MTUS2: variants seen among roughly 807,000 people sequenced by gnomAD.
MTUS2 encodes microtubule associated scaffold protein 2.
MTUS2 carries 40 observed loss-of-function variants against 114.1 expected under a neutral mutation model. The observed-to-expected ratio is 0.35, with a 90% CI of 0.27 to 0.46. The LOEUF (loss-of-function observed/expected upper bound fraction) is 0.46, where lower values mean the gene tolerates loss of function less well. Ranked by LOEUF, MTUS2 falls within the 20% of genes least tolerant of loss-of-function variation. The pLI is 1.00. For missense variants in MTUS2, 1,679 were observed against 1,705.4 expected (o/e 0.98, Z 0.27); for synonymous variants, 688 against 672.0 (o/e 1.02, Z -0.37).
intron 7 of MTUS2, among the ~76,000 whole-genome samples, chr13:29,346,191 A>G (rs2138148026): frequency 6.6e-6 from 1 of 152,172 alleles, no homozygotes; most frequent in Middle Eastern, 3.4e-3. Context: ...TAGGGAGGAT[A>G]CAAGCTTGCC....
At chr13:28,847,317 G>C (rs1343369718) in intron 2 of MTUS2, among the ~76,000 whole-genome samples, 1 of 152,084 alleles carries the variant, frequency 6.6e-6, no homozygotes, top group Non-Finnish European at 1.5e-5. Context: ...AGGTGAGGAT[G>C]AGGGTGGAGT....
At chr13:28,926,632 C>T (rs1288300351) in intron 2 of MTUS2, among the ~76,000 whole-genome samples, 2 of 152,148 alleles carry the variant, frequency 1.3e-5, no homozygotes, top group African/African-American at 2.4e-5. Flanking sequence ...ATTTCTTTTT[C>T]AAACTTATTT....
At chr13:29,307,574 C>A in intron 6 of MTUS2, 1 of 1,236,418 alleles carries the variant, frequency 8.1e-7, no homozygotes, top group Non-Finnish European at 1.2e-6. Flanking sequence ...AAGCAGGTGT[C>A]AGAGGGCCCC....
At chr13:29,427,379 A>C (rs1029332253) in intron 8 of MTUS2, among the ~76,000 whole-genome samples, 1 of 152,208 alleles carries the variant, frequency 6.6e-6, no homozygotes, top group Non-Finnish European at 1.5e-5. Flanking sequence ...AAAATCTAAA[A>C]TATTCCACAT....
intron 8 of MTUS2, among the ~76,000 whole-genome samples, chr13:29,393,675 G>A (rs551589301): frequency 1.9e-3 from 289 of 152,290 alleles, no homozygotes; most frequent in African/African-American, 6.7e-3. Context: ...AGTTTATTTT[G>A]CCAAAGTTAA....
chr13:29,266,316 A>T (rs536047532), intron 5 of MTUS2, among the ~76,000 whole-genome samples: 134 of 152,326 alleles, frequency 8.8e-4, no homozygotes, highest in Non-Finnish European at 3.5e-4. Context: ...CCAAAGTCAG[A>T]CACAAGTAAG....
chr13:28,910,315 C>T (rs532560764), intron 2 of MTUS2, among the ~76,000 whole-genome samples: 25 of 152,284 alleles, frequency 1.6e-4, no homozygotes, highest in Non-Finnish European at 3.2e-4. Context: ...TTTCACTTAA[C>T]ATGATGATCT....
chr13:29,294,024 A>T (rs1218033653), intron 6 of MTUS2, among the ~76,000 whole-genome samples: 4 of 152,124 alleles, frequency 2.6e-5, no homozygotes, highest in Admixed American at 6.5e-5. Flanking sequence ...ATATTGTCAG[A>T]ATTTTTCCAG....
rs1272781807 is a variant in MTUS2 at position 28,850,783 on chromosome 13, ATCT to A, written c.-243+10934_-243+10936del. On this transcript the variant is annotated intron_variant, in intron 2 of 15. Coordinates refer to ENST00000612955, the MANE Select transcript of MTUS2 (RefSeq NM_001033602.4). ...CTCAGACAGATATATTAAAATTAAAATCTCATGGTGGGTATAAAATTTCATTAT... is the reference window on the plus strand; with the variant it reads ...CTCAGACAGATATATTAAAATTAAAACATGGTGGGTATAAAATTTCATTAT... 2.0e-5 allele frequency among the ~76,000 whole-genome samples: 3 copies of A among 152,206 alleles called. No individual in the cohort carries two copies. The East Asian group carries it at 5.8e-4, about 29-fold the overall frequency.
At chr13:29,048,693 C>T (rs943582766) in intron 4 of MTUS2, among the ~76,000 whole-genome samples, 3 of 152,138 alleles carry the variant, frequency 2.0e-5, no homozygotes, top group African/African-American at 7.2e-5. Context: ...TGATCTCAAA[C>T]CCCTGGGCTC....
intron 5 of MTUS2, among the ~76,000 whole-genome samples, chr13:29,121,923 G>A (rs765537716): frequency 6.6e-5 from 10 of 152,012 alleles, no homozygotes; most frequent in African/African-American, 1.9e-4. Flanking sequence ...GCCTCCCAAC[G>A]TGCTGGGAGT....
intron 7 of MTUS2, among the ~76,000 whole-genome samples, chr13:29,350,960 CATAT>C (rs56192034): frequency 0.033 from 4,261 of 128,470 alleles, 211 homozygotes; most frequent in Non-Finnish European, 0.05. Context: ...ATATATATTT[CATAT>C]ATATATATAT....
intron 5 of MTUS2, among the ~76,000 whole-genome samples, chr13:29,206,989 G>C (rs1396805064): frequency 6.6e-6 from 1 of 152,074 alleles, no homozygotes; most frequent in East Asian, 1.9e-4. Flanking sequence ...TTTGTAGATT[G>C]CTTTTGGCAG....
At chr13:29,286,684 A>G (rs566077053) in intron 6 of MTUS2, among the ~76,000 whole-genome samples, 1 of 146,796 alleles carries the variant, frequency 6.8e-6, no homozygotes, top group African/African-American at 2.7e-5. Context: ...CTATCTATCT[A>G]TCTATCTATC....
At chr13:28,917,165 A>G (rs891937951) in intron 2 of MTUS2, among the ~76,000 whole-genome samples, 3 of 151,926 alleles carry the variant, frequency 2.0e-5, no homozygotes, top group African/African-American at 7.2e-5. Context: ...TTGGTTTGCT[A>G]GTATTTTGTT....
At chr13:29,010,670 C>T (rs928317418) in intron 2 of MTUS2, among the ~76,000 whole-genome samples, 4 of 152,046 alleles carry the variant, frequency 2.6e-5, no homozygotes, top group African/African-American at 9.7e-5. Flanking sequence ...TTTACTTGCT[C>T]TATCACAATC....
intron 2 of MTUS2, among the ~76,000 whole-genome samples, chr13:28,956,802 G>T (rs1024425592): frequency 6.6e-6 from 1 of 152,124 alleles, no homozygotes; most frequent in African/African-American, 2.4e-5. Flanking sequence ...CCTAGAGATG[G>T]GTGAGCTGGC....
intron 7 of MTUS2, among the ~76,000 whole-genome samples, chr13:29,348,457 T>C (rs183548207): frequency 4.6e-4 from 70 of 152,264 alleles, no homozygotes; most frequent in African/African-American, 1.3e-3. Flanking sequence ...TTAAATTTAT[T>C]GAGCCTTGTT....
At chr13:29,351,277 A>G (rs1011989569) in intron 7 of MTUS2, among the ~76,000 whole-genome samples, 3 of 152,090 alleles carry the variant, frequency 2.0e-5, no homozygotes, top group Non-Finnish European at 4.4e-5. Flanking sequence ...TGGGCCTTCA[A>G]ATGACATCTG....
Sources: allele counts gnomAD v4.1 joint callset (sites outside exome capture counted in the v4.1 genomes callset), GRCh38; gene constraint gnomAD v4.1.1; transcripts MANE v1.5; gene names NCBI Gene and HGNC (gene_info 2026-07-23, HGNC 2026-07-21).